The following CNTN4 variants were observed in gnomAD, a reference collection of about 807,000 sequenced individuals.
The protein encoded by CNTN4 is contactin 4.
CNTN4 carries 77 observed loss-of-function variants against 122.5 expected under a neutral mutation model. The ratio of observed to expected loss-of-function variants is 0.63; its 90% CI spans 0.52 to 0.76. The LOEUF is 0.76. Among genes scored for constraint, CNTN4 ranks in the 30% least tolerant of loss-of-function variants. The pLI is 0.00. For synonymous variants in CNTN4, 512 were observed against 447.0 expected (o/e 1.15, Z -1.83); for missense variants, 1,256 against 1,259.1 (o/e 1.00, Z 0.04).
At chr3:3,000,787 C>T (rs1313974391) in intron 14 of CNTN4, among the ~76,000 whole-genome samples, 1 of 151,938 alleles carries the variant, frequency 6.6e-6, no homozygotes, top group Non-Finnish European at 1.5e-5. Flanking sequence ...TACTTCTGCC[C>T]TAATGTGCTT....
intron 13 of CNTN4, among the ~76,000 whole-genome samples, chr3:2,957,684 TGTG>T: frequency 6.6e-6 from 1 of 152,222 alleles, no homozygotes; most frequent in South Asian, 2.1e-4. Context: ...AATAAGAACA[TGTG>T]GTGTTTTGTT....
chr3:2,420,199 C>G (rs2047563092), intron 3 of CNTN4, among the ~76,000 whole-genome samples: 1 of 152,140 alleles, frequency 6.6e-6, no homozygotes, highest in African/African-American at 2.4e-5. Flanking sequence ...GTTTGTTCCT[C>G]AGCACTTTTT....
intron 3 of CNTN4, among the ~76,000 whole-genome samples, chr3:2,444,866 C>T (rs1407373173): frequency 6.6e-6 from 1 of 151,994 alleles, no homozygotes; most frequent in Non-Finnish European, 1.5e-5. Flanking sequence ...ATCAGAGTTA[C>T]ACATATTGTT....
At chr3:2,260,762 C>A (rs2040804659) in intron 2 of CNTN4, among the ~76,000 whole-genome samples, 1 of 150,296 alleles carries the variant, frequency 6.7e-6, no homozygotes, top group African/African-American at 2.5e-5. Context: ...GTCTCGCTCT[C>A]TGTCATCCAG....
chr3:3,002,233 T>G (rs1165162871), intron 14 of CNTN4, among the ~76,000 whole-genome samples: 2 of 152,200 alleles, frequency 1.3e-5, no homozygotes, highest in Non-Finnish European at 2.9e-5. Context: ...AAATTTGTGC[T>G]AAGCTTCAGC....
At chr3:2,384,463 T>G (rs1190305516) in intron 3 of CNTN4, among the ~76,000 whole-genome samples, 1 of 152,316 alleles carries the variant, frequency 6.6e-6, no homozygotes, top group East Asian at 1.9e-4. Context: ...GGAAACTGCT[T>G]AGATTTAATG....
chr3:2,335,372 C>G (rs1314984193), intron 2 of CNTN4, among the ~76,000 whole-genome samples: 2 of 151,998 alleles, frequency 1.3e-5, no homozygotes, highest in Non-Finnish European at 2.9e-5. Context: ...CATGGATTAC[C>G]TCAGTCTAGC....
At chr3:2,627,710 G>A (rs1054454381) in intron 4 of CNTN4, among the ~76,000 whole-genome samples, 8 of 151,954 alleles carry the variant, frequency 5.3e-5, no homozygotes, top group Admixed American at 3.3e-4. Context: ...AGCCAGGATG[G>A]TCTCGATCTC....
chr3:2,463,585 C>A (rs974546496), intron 3 of CNTN4, among the ~76,000 whole-genome samples: 20 of 152,132 alleles, frequency 1.3e-4, no homozygotes, highest in Non-Finnish European at 1.9e-4. Flanking sequence ...CATGGTGAAA[C>A]CCCATCTCTA....
chr3:2,678,246 G>A (rs1022011325), intron 4 of CNTN4, among the ~76,000 whole-genome samples: 2 of 152,004 alleles, frequency 1.3e-5, no homozygotes, highest in African/African-American at 4.8e-5. Context: ...GATTTTTTGA[G>A]CACTTCAAAG....
intron 4 of CNTN4, among the ~76,000 whole-genome samples, chr3:2,673,210 C>T (rs1474413656): frequency 6.6e-6 from 1 of 152,136 alleles, no homozygotes; most frequent in African/African-American, 2.4e-5. Context: ...ATCATTTCAT[C>T]TCCCCAAGCT....
intron 14 of CNTN4, among the ~76,000 whole-genome samples, chr3:3,003,684 CAAAAAAAA>C (rs58290160): frequency 3.1e-4 from 24 of 76,978 alleles, no homozygotes; most frequent in East Asian, 2.7e-3. Context: ...ATGGTTGCAC[CAAAAAAAA>C]AAAAAAAAAA....
intron 2 of CNTN4, among the ~76,000 whole-genome samples, chr3:2,280,495 CT>C (rs2149891466): frequency 6.6e-6 from 1 of 152,238 alleles, no homozygotes; most frequent in South Asian, 2.1e-4. Context: ...TTTCTTGCCC[CT>C]GGTCCCACAG....
chr3:3,002,492 G>A (rs1696149485), intron 14 of CNTN4, among the ~76,000 whole-genome samples: 3 of 152,112 alleles, frequency 2.0e-5, no homozygotes, highest in African/African-American at 7.2e-5. Flanking sequence ...TGAGTTATAA[G>A]GGTTGCAAGT....
chr3:2,587,232 A>G (rs1220444457), intron 4 of CNTN4, among the ~76,000 whole-genome samples: 2 of 152,234 alleles, frequency 1.3e-5, no homozygotes, highest in Non-Finnish European at 2.9e-5. Flanking sequence ...GGGAATTATG[A>G]TAATTCAAAG....
chr3:2,589,339 T>C (rs1350726784), intron 4 of CNTN4, among the ~76,000 whole-genome samples: 2 of 152,224 alleles, frequency 1.3e-5, no homozygotes, highest in African/African-American at 4.8e-5. Flanking sequence ...GCCTTATTTT[T>C]ACCTTTCTTT....
chr3:2,314,752 GAAA>G (rs1277177828), intron 2 of CNTN4, among the ~76,000 whole-genome samples: 1 of 151,682 alleles, frequency 6.6e-6, no homozygotes. Flanking sequence ...AACAAAATGA[GAAA>G]AAATTTGCAA....
At chr3:2,715,220 C>T (rs965771253) in intron 4 of CNTN4, among the ~76,000 whole-genome samples, 1 of 151,952 alleles carries the variant, frequency 6.6e-6, no homozygotes, top group Non-Finnish European at 1.5e-5. Context: ...AAGGAAGCAG[C>T]TACTGAAAAA....
intron 5 of CNTN4, among the ~76,000 whole-genome samples, chr3:2,739,827 A>C (rs1259249930): frequency 6.6e-6 from 1 of 152,310 alleles, no homozygotes; most frequent in African/African-American, 2.4e-5. Context: ...AAAGTAACTA[A>C]GTTATGTGGG....
Sources: allele counts gnomAD v4.1 joint callset (sites outside exome capture counted in the v4.1 genomes callset), GRCh38; gene constraint gnomAD v4.1.1; transcripts MANE v1.5; gene names NCBI Gene and HGNC (gene_info 2026-07-23, HGNC 2026-07-21).